CA9: variants seen among roughly 807,000 people sequenced by gnomAD.
CA9 encodes the protein CA-IX.
CA9 carries 43 observed loss-of-function variants against 51.8 expected under a neutral mutation model. That is an observed-to-expected ratio of 0.83 (90% confidence interval 0.65 to 1.07). The LOEUF (loss-of-function observed/expected upper bound fraction) is 1.07, where lower values mean the gene tolerates loss of function less well. Ranked by LOEUF, CA9 falls within the 50% of genes least tolerant of loss-of-function variation. The pLI, the probability that CA9 is intolerant of heterozygous loss-of-function variation, is 0.00. For missense variants in CA9, 574 were observed against 581.4 expected, an observed-to-expected ratio of 0.99 and a Z score of 0.13; for synonymous variants, 253 against 244.2, an observed-to-expected ratio of 1.04 and a Z score of -0.34.
Position 35,675,538 on chromosome 9 carries a change from G to C in CA9, c.404G>C (p.Gly135Ala). Reference protein sequence around the residue: ...PQNNAHRDKEGDDQSHWRYGG... With the variant: ...PQNNAHRDKEADDQSHWRYGG... ...CGGTTCATCCTTTTCATTTATACAG[G>C]GGATGACCAGAGTCATTGGCGCTAT... The change falls in exon 2 of 11, where the codon GGG becomes GCG. Residue 135 changes from glycine (G) to alanine (A), a missense_variant and splice_region_variant. Coordinates refer to ENST00000378357, the MANE Select transcript of CA9 (RefSeq NM_001216.3). 1.2e-6 allele frequency: 2 copies of C among 1,614,136 alleles called. No homozygotes were observed. Among genetic ancestry groups the C allele is most frequent in the Non-Finnish European group, 1.7e-6 (2 of 1,180,002 alleles).
chr9:35,678,126 C>A (rs1824459318), intron 6 of CA9, among the ~76,000 whole-genome samples: 1 of 152,046 alleles, frequency 6.6e-6, no homozygotes, highest in Admixed American at 6.5e-5. Context: ...GCAGGTGGAT[C>A]ACGAGGTCAA....
chr9:35,675,488 A>C, intron 1 of CA9, 50 bp from the exon 2 acceptor site: 1 of 1,608,452 alleles, frequency 6.2e-7, no homozygotes, highest in Non-Finnish European at 8.5e-7. Context: ...GGTCGCCAGG[A>C]AGGGATTGGG....
chr9:35,674,059 C>A lies in CA9; in HGVS notation c.100C>A (p.Pro34Thr). 1 of 1,614,194 alleles carries A rather than the reference C, an allele frequency of 6.2e-7. No individual in the cohort carries two copies. The highest frequency in any genetic ancestry group is 1.1e-5 in the South Asian group (1 of 91,082). The change falls in exon 1 of 11, where the codon CCT becomes ACT. Residue 34 changes from proline to threonine, a missense_variant. Physicochemically the swap from Pro to Thr is conservative, Grantham distance 38 (BLOSUM62 -1). Transcript: ENST00000378357. ...GCTGCTGTCACTGCTGCTTCTGGTG[C>A]CTGTCCATCCCCAGAGGTTGCCCCG... ...QLLLSLLLLV[P>T]VHPQRLPRMQ...
At chr9:35,676,468 C>A in intron 5 of CA9, 79 bp downstream of exon 5, 1 of 1,172,662 alleles carries the variant, frequency 8.5e-7, no homozygotes, top group Admixed American at 2.0e-5. Flanking sequence ...AGCCAGAGAC[C>A]CCATCCCAGC....
Position 35,676,409 on chromosome 9 carries a change from C to T in CA9, c.840+20C>T. On this transcript the variant is annotated intron_variant, in intron 5 of 10. Coordinates refer to ENST00000378357, the MANE Select transcript of CA9 (RefSeq NM_001216.3). ...CTGGAGGTACCAGATCCTGGACACC[C>T]CCTACTCCCCGCTTTCCCATCCCAT... 1 of 1,581,590 alleles carries T rather than the reference C, an allele frequency of 6.3e-7. No individual in the cohort carries two copies.
chr9:35,675,943 TC>T lies in CA9; in HGVS notation c.604+16del. On this transcript the variant is annotated intron_variant, in intron 3 of 10. Transcript: ENST00000378357. The stretch of plus-strand genomic sequence containing the variant: ...CAATGGCCACAGTGGTGAGGGGGTC[TC>T]CCCGCCGAGACTTGGGGATGGGGCG... 6.3e-7 allele frequency: 1 copy of T among 1,585,222 alleles called. No individual in the cohort carries two copies. Among genetic ancestry groups the T allele is most frequent in the Non-Finnish European group, 8.6e-7 (1 of 1,164,928 alleles).
At chr9:35,677,917 G>C in intron 6 of CA9, 61 bp downstream of exon 6, 2 of 1,448,546 alleles carry the variant, frequency 1.4e-6, no homozygotes, top group Non-Finnish European at 1.9e-6. Flanking sequence ...TCACCCTTTG[G>C]AGCTTCAGGT....
At chr9:35,674,987 A>T (rs1015633794) in intron 1 of CA9, 2 of 149,346 alleles carry the variant, frequency 1.3e-5, no homozygotes, top group African/African-American at 2.6e-5. Flanking sequence ...GTGCCCACTC[A>T]CTTTTTTTTT....
intron 9 of CA9, among the ~76,000 whole-genome samples, chr9:35,680,419 G>A (rs1227490603): frequency 6.6e-6 from 1 of 152,066 alleles, no homozygotes; most frequent in Admixed American, 6.5e-5. Context: ...CTGGGGTGTT[G>A]TGGCACGATC....
intron 3 of CA9, 57 bp from the exon 4 acceptor site, chr9:35,676,007 C>CG: frequency 5.0e-6 from 8 of 1,604,994 alleles, no homozygotes; most frequent in Non-Finnish European, 6.8e-6. Flanking sequence ...AGTGCCTGCC[C>CG]GGGGGTTGGG....
chr9:35,677,731 G>C, intron 5 of CA9, 59 bp from the exon 6 acceptor site: 7 of 1,368,920 alleles, frequency 5.1e-6, no homozygotes, highest in Non-Finnish European at 7.3e-6. Context: ...TTCATGTTCC[G>C]GCCTTCAGCC....
At chr9:35,675,658 T>TGCCCCCCCCC in intron 2 of CA9, 91 bp downstream of exon 2, 2 of 1,407,086 alleles carry the variant, frequency 1.4e-6, no homozygotes, top group Non-Finnish European at 2.0e-6. Context: ...GTCCCGGGCG[T>TGCCCCCCCCC]CCCACCCGCC....
rs1824423018 is a variant in CA9 at position 35,676,350 on chromosome 9, GC to G, written c.802del (p.Arg268AlafsTer64). 1 of 1,613,868 alleles carries G rather than the reference GC, an allele frequency of 6.2e-7. No individual in the cohort carries two copies. Among genetic ancestry groups the G allele is most frequent in the Non-Finnish European group, 8.5e-7 (1 of 1,179,996 alleles). ...AFARVDEALGRPGGLAVLAAF... is the reference protein window; with the variant it reads ...AFARVDEALGXPGGLAVLAAF... Reference sequence around the variant, plus strand: ...TTGCCAGAGTTGACGAGGCCTTGGGGCGCCCGGGAGGCCTGGCCGTGTTGGC... The same window carrying G: ...TTGCCAGAGTTGACGAGGCCTTGGGGGCCCGGGAGGCCTGGCCGTGTTGGC... On this transcript the variant is annotated frameshift_variant, in exon 5 of 11. Transcript: ENST00000378357. LOFTEE classifies it high-confidence loss of function.
chr9:35,674,662 C>A, intron 1 of CA9: 1 of 273,678 alleles, frequency 3.7e-6, no homozygotes, highest in Non-Finnish European at 6.8e-6. Flanking sequence ...AATGTGCAGA[C>A]AGAGGAAAAA....
intron 9 of CA9, 95 bp from the exon 10 acceptor site, chr9:35,680,658 G>A (rs894869750): frequency 2.0e-5 from 20 of 984,428 alleles, no homozygotes; most frequent in African/African-American, 4.8e-5. Flanking sequence ...CTGAGAACTC[G>A]GGGCAGGGGT....
Position 35,679,991 on chromosome 9 carries a change from T to C in CA9, c.1203T>C (p.Ala401=). 6.2e-7 allele frequency: 1 copy of C among 1,614,174 alleles called. No homozygotes were observed. The highest frequency in any genetic ancestry group is 1.3e-5 in the African/African-American group (1 of 75,064). ...PAGVDSSPRA[A]EPVQLNSCLA... The stretch of plus-strand genomic sequence containing the variant: ...GAGTGGACAGCAGTCCTCGGGCTGC[T>C]GAGCCAGGTACAGCTTTGTCTGGTT... Residue 401 remains alanine (A), a synonymous_variant, in exon 8 of 11, where the codon GCT becomes GCC. Coordinates refer to ENST00000378357, the MANE Select transcript of CA9 (RefSeq NM_001216.3).
intron 2 of CA9, 94 bp downstream of exon 2, chr9:35,675,661 C>A: frequency 7.0e-7 from 1 of 1,424,530 alleles, no homozygotes; most frequent in Non-Finnish European, 9.9e-7. Context: ...CCGGGCGTCC[C>A]ACCCGCCGCC....
In CA9 at chr9:35,679,888, G is replaced by A; in HGVS notation, c.1100G>A (p.Gly367Asp). 6.2e-7 allele frequency: 1 copy of A among 1,612,802 alleles called. No homozygotes were observed. The highest frequency in any genetic ancestry group is 8.5e-7 in the Non-Finnish European group (1 of 1,179,476). ...CTCTCTGACACCCTGTGGGGACCTG[G>A]TGACTCTCGGCTACAGCTGAACTTC... ...HTLSDTLWGP[G>D]DSRLQLNFRA... Residue 367 changes from glycine (G) to aspartate (D), a missense_variant, in exon 8 of 11, where the codon GGT becomes GAT. By Grantham distance (94) the Gly-to-Asp change is moderately conservative (BLOSUM62 -1). Transcript: ENST00000378357.
chr9:35,680,777 GCCT>G lies in CA9; in HGVS notation c.1266_1268del (p.Leu423del), dbSNP rs986636531. Reference sequence around the variant, plus strand: ...GGTGACATCCTAGCCCTGGTTTTTGGCCTCCTTTTTGCTGTCACCAGCGTCGCG... The same window carrying G: ...GGTGACATCCTAGCCCTGGTTTTTGGCCTTTTTGCTGTCACCAGCGTCGCG... On this transcript the variant is annotated inframe_deletion, in exon 10 of 11. Coordinates refer to ENST00000378357, the MANE Select transcript of CA9 (RefSeq NM_001216.3). 3.1e-6 allele frequency: 5 copies of G among 1,614,178 alleles called. No homozygotes were observed. Among genetic ancestry groups the G allele is most frequent in the South Asian group, 2.2e-5 (2 of 91,086 alleles).
Sources: gnomAD v4.1 joint callset for allele counts (sites outside exome capture counted in the v4.1 genomes callset) on GRCh38, gnomAD v4.1.1 for gene constraint, MANE v1.5 for transcripts, NCBI Gene and HGNC (gene_info 2026-07-23, HGNC 2026-07-21) for gene names.